Variants in CCDC66 observed in about 807,000 individuals in gnomAD.
CCDC66 encodes the protein coiled-coil domain containing 66.
In CCDC66, 133 loss-of-function variants were observed where a neutral mutation model predicts 128.3. That is an observed-to-expected ratio of 1.04 (90% CI 0.90 to 1.20). CCDC66 has a LOEUF of 1.20. Ranked by LOEUF, CCDC66 falls within the 50% of genes most tolerant of loss-of-function variation. The pLI is 0.00. For missense variants in CCDC66, 1,126 were observed against 1,075.5 expected, an observed-to-expected ratio of 1.05 and a Z score of -0.66; for synonymous variants, 387 against 357.0, an observed-to-expected ratio of 1.08 and a Z score of -0.95.
rs1432907564 is a variant in CCDC66 at position 56,621,833 on chromosome 3, A to C, written c.*215A>C. On this transcript the variant is annotated 3_prime_UTR_variant, in exon 18 of 18. Coordinates refer to ENST00000394672, the MANE Select transcript of CCDC66 (RefSeq NM_001141947.3). ...AGCTTAGTAGTAAAAAAAAAAAAAA[A>C]AAAACCGGTTCTTCTGCTCTGTCAC... 7.2e-6 allele frequency: 2 copies of C among 276,410 alleles called. No homozygotes were observed. The highest frequency in any genetic ancestry group is 1.3e-5 in the Non-Finnish European group (2 of 149,674). 17.1% of individuals were successfully genotyped at this position (276,410 alleles called of 1,614,324 possible). A position where few individuals can be genotyped will look rare whatever the true frequency, so the allele number is the denominator to read the frequency against.
At chr3:56,558,809 G>T (rs1039556245) in intron 1 of CCDC66, 37 bp from the exon 2 acceptor site, 1 of 1,398,938 alleles carries the variant, frequency 7.1e-7, no homozygotes, top group African/African-American at 1.4e-5. Flanking sequence ...GTTGCGGTTT[G>T]TTAAAAATGA....
At chr3:56,597,201 T>A (rs2072139008) in intron 10 of CCDC66, among the ~76,000 whole-genome samples, 1 of 152,072 alleles carries the variant, frequency 6.6e-6, no homozygotes, top group Admixed American at 6.5e-5. Context: ...TGAAAATCAG[T>A]TGGCTGTAAA....
At chr3:56,601,832 T>G (rs1210747800) in intron 10 of CCDC66, among the ~76,000 whole-genome samples, 1 of 152,108 alleles carries the variant, frequency 6.6e-6, no homozygotes, top group Non-Finnish European at 1.5e-5. Flanking sequence ...ATCCTGAGAC[T>G]TTGCTGAAGT....
intron 13 of CCDC66, 183 bp downstream of exon 13, chr3:56,616,236 AG>A (rs1296817759): frequency 2.0e-6 from 1 of 494,798 alleles, no homozygotes; most frequent in Non-Finnish European, 3.5e-6. Flanking sequence ...TTTATCCTAC[AG>A]TTTAGTCTTT....
chr3:56,573,728 C>G (rs1399853566), intron 7 of CCDC66, among the ~76,000 whole-genome samples: 1 of 149,176 alleles, frequency 6.7e-6, no homozygotes, highest in African/African-American at 2.4e-5. Flanking sequence ...AGCCCTTAGG[C>G]TAAATAGTGG....
At chr3:56,566,202 G>A (rs534875123) in intron 4 of CCDC66, among the ~76,000 whole-genome samples, 1 of 152,052 alleles carries the variant, frequency 6.6e-6, no homozygotes, top group African/African-American at 2.4e-5. Context: ...TCAGCTCACT[G>A]AAACCTCCAC....
intron 7 of CCDC66, among the ~76,000 whole-genome samples, chr3:56,587,254 C>T (rs1020927739): frequency 4.0e-5 from 6 of 151,880 alleles, no homozygotes. Context: ...ATAAAAGTCT[C>T]AACAAATTTC....
intron 17 of CCDC66, 37 bp downstream of exon 17, chr3:56,619,938 T>C: frequency 6.3e-7 from 1 of 1,599,394 alleles, no homozygotes; most frequent in South Asian, 1.1e-5. Flanking sequence ...GTCTGTTCTT[T>C]ATGTGGCGTG....
chr3:56,573,419 G>C (rs757616128), intron 7 of CCDC66, among the ~76,000 whole-genome samples: 1 of 152,182 alleles, frequency 6.6e-6, no homozygotes, highest in Non-Finnish European at 1.5e-5. Context: ...AAACTTCAAG[G>C]TGTTGGGGAA....
chr3:56,588,141 T>C (rs1049866939), intron 7 of CCDC66, among the ~76,000 whole-genome samples: 1 of 152,232 alleles, frequency 6.6e-6, no homozygotes, highest in South Asian at 2.1e-4. Context: ...AATGAATGAA[T>C]AGCATTTGCA....
rs907172699 is a variant in CCDC66 at position 56,617,322 on chromosome 3, CAAG to C, written c.2057_2059del (p.Arg686del). On this transcript the variant is annotated inframe_deletion, in exon 14 of 18. Coordinates refer to ENST00000394672, the MANE Select transcript of CCDC66 (RefSeq NM_001141947.3). ...TGTAATGACCAGTGTAATCAGTTCA[CAAG>C]AATAGAGAAACAAACAAAACACATG... 4.3e-6 allele frequency: 7 copies of C among 1,612,286 alleles called. No homozygotes were observed. The African/African-American group carries it at 9.4e-5, about 22-fold the overall frequency.
chr3:56,572,404 A>G (rs754454508), intron 7 of CCDC66: 1 of 1,288,834 alleles, frequency 7.8e-7, no homozygotes, highest in East Asian at 5.6e-5. Flanking sequence ...GGCATTCACA[A>G]CTTAGAGCTA....
At chr3:56,610,173 A>T (rs1004411859) in intron 10 of CCDC66, among the ~76,000 whole-genome samples, 1 of 152,198 alleles carries the variant, frequency 6.6e-6, no homozygotes, top group African/African-American at 2.4e-5. Flanking sequence ...TATGTTTTGC[A>T]AGCTTTTAGA....
intron 14 of CCDC66, chr3:56,617,921 T>A (rs2075725186): frequency 3.5e-6 from 2 of 574,910 alleles, no homozygotes; most frequent in East Asian, 5.7e-5. Context: ...CTTCTGTAGA[T>A]GGATGCTGTG....
chr3:56,617,882 T>G, intron 14 of CCDC66: 1 of 569,000 alleles, frequency 1.8e-6, no homozygotes. Flanking sequence ...GGTTTCCTTA[T>G]GCTTATCGAG....
chr3:56,593,893 T>C (rs1035294855), intron 9 of CCDC66, 51 bp from the exon 10 acceptor site: 3 of 1,596,504 alleles, frequency 1.9e-6, no homozygotes, highest in Non-Finnish European at 2.6e-6. Context: ...ATTTAGCTTG[T>C]TGAATCTACC....
rs943327577 is a variant in CCDC66, at chr3:56,619,159, A to C, written c.2379-112A>C. The C allele has an allele frequency of 1.0e-5, 9 of 890,094 alleles. No homozygotes were observed. In the African/African-American group the frequency reaches 1.2e-4, roughly 12 times the overall value. The allele number at this position is 890,094 out of a possible 1,614,324, so 55.1% of individuals were successfully genotyped here. A position where few individuals can be genotyped will look rare whatever the true frequency, so the allele number is the denominator to read the frequency against. On this transcript the variant is annotated intron_variant, in intron 15 of 17. Coordinates refer to ENST00000394672, the MANE Select transcript of CCDC66 (RefSeq NM_001141947.3). ...CAGTGAGCTGAGATCGCGCCACTGC[A>C]CTCCAGCCTGGGCAACAGAGCGAGA...
rs1273894739 is a variant in CCDC66, at chr3:56,563,754, A to G, written c.173A>G (p.Gln58Arg). 1 of 1,551,886 alleles carries G rather than the reference A, an allele frequency of 6.4e-7. No homozygotes were observed. Among genetic ancestry groups the G allele is most frequent in the Non-Finnish European group, 8.7e-7 (1 of 1,146,988 alleles). The change falls in exon 4 of 18, where the codon CAA (glutamine) becomes CGA (arginine). Residue 58 changes from glutamine (Q) to arginine (R), a missense_variant. Coordinates refer to ENST00000394672, the MANE Select transcript of CCDC66 (RefSeq NM_001141947.3). The stretch of plus-strand genomic sequence containing the variant: ...ACTGGGCACATTCTAAAATCAACAC[A>G]AGATACTTGTATTGGGAGTGAAAAA... ...TKTGHILKST[Q>R]DTCIGSEKLL...
In CCDC66 at chr3:56,583,050, C is replaced by T. The variant is rs530217381; in HGVS notation, c.937-9920C>T. Among the ~76,000 whole-genome samples the T allele has an allele frequency of 7.7e-4, 117 of 151,204 alleles. 1 individual carries two copies. The highest frequency in any genetic ancestry group is 2.6e-3 in the African/African-American group (107 of 41,384). On this transcript the variant is annotated intron_variant, in intron 7 of 17. Transcript: ENST00000394672. ...CTGCCACCATGACTGGCTAATTTTT[C>T]GTATTCTGTAGAGACAGGGTTGCTC...
Sources: allele counts gnomAD v4.1 joint callset (sites outside exome capture counted in the v4.1 genomes callset), GRCh38; gene constraint gnomAD v4.1.1; transcripts MANE v1.5; gene names NCBI Gene and HGNC (gene_info 2026-07-23, HGNC 2026-07-21).